RFTN1: variants seen among roughly 807,000 people sequenced by gnomAD.
RFTN1 encodes the protein raftlin.
Under a neutral mutation model 46.5 loss-of-function variants are expected in RFTN1, and 26 were observed. That is an observed-to-expected ratio of 0.56 (90% confidence interval 0.41 to 0.78). The LOEUF is 0.78. Ranked by LOEUF, RFTN1 falls within the 30% of genes least tolerant of loss-of-function variation. The pLI is 0.00. For synonymous variants in RFTN1, 261 were observed against 284.2 expected, an observed-to-expected ratio of 0.92 and a Z score of 0.82; for missense variants, 693 against 718.7, an observed-to-expected ratio of 0.96 and a Z score of 0.41.
Position 16,407,344 on chromosome 3 carries a change from G to A in RFTN1, c.441+2031C>T, listed in dbSNP as rs1309852755. ...ACTATAGTCAAGCACCACCATGCTC[G>A]GCTTTTTAAAGAGACTTTTTTTTTT... On this transcript the variant is annotated intron_variant, in intron 4 of 9. Transcript: ENST00000334133. The surrounding 1 kb of genome is among the most constrained non-coding windows in gnomAD (Gnocchi z 4.0). 6.6e-6 allele frequency among the ~76,000 whole-genome samples: 1 copy of A among 151,532 alleles called. No homozygotes were observed. Among genetic ancestry groups the A allele is most frequent in the Non-Finnish European group, 1.5e-5 (1 of 67,868 alleles).
chr3:16,448,227 T>C lies in RFTN1; in HGVS notation c.146-14190A>G, dbSNP rs2075768029. ...AATAAAATATATCATGAAAATTAAC[T>C]TGCCTGTTTTTATTTTTTAATGTGG... On this transcript the variant is annotated intron_variant, in intron 2 of 9. Transcript: ENST00000334133. The surrounding 1 kb of genome is among the most constrained non-coding windows in gnomAD (Gnocchi z 4.1). Among the ~76,000 whole-genome samples, 1 of 152,308 alleles carries C rather than the reference T, an allele frequency of 6.6e-6. No homozygotes were observed. The highest frequency in any genetic ancestry group is 2.1e-4 in the South Asian group (1 of 4,826).
chr3:16,413,892 C>T lies in RFTN1; in HGVS notation c.333-4409G>A, dbSNP rs921786812. Among the ~76,000 whole-genome samples, 1 of 152,174 alleles carries T rather than the reference C, an allele frequency of 6.6e-6. No individual in the cohort carries two copies. Among genetic ancestry groups the T allele is most frequent in the African/African-American group, 2.4e-5 (1 of 41,440 alleles). On this transcript the variant is annotated intron_variant, in intron 3 of 9. Coordinates refer to ENST00000334133, the MANE Select transcript of RFTN1 (RefSeq NM_015150.2). The surrounding 1 kb of genome is among the most constrained non-coding windows in gnomAD (Gnocchi z 4.7). ...TGAGCCTTTGGGCAATTTACTTAAA[C>T]TTTCTGTGCTTCAGTTTCTTTCACT...
chr3:16,335,632 G>C lies in RFTN1; in HGVS notation c.1147-8756C>G, dbSNP rs2070769604. Among the ~76,000 whole-genome samples the C allele has an allele frequency of 6.6e-6, 1 of 152,178 alleles. No homozygotes were observed. Among genetic ancestry groups the C allele is most frequent in the South Asian group, 2.1e-4 (1 of 4,826 alleles). On this transcript the variant is annotated intron_variant, in intron 7 of 9. Transcript: ENST00000334133. The surrounding 1 kb of genome is among the most constrained non-coding windows in gnomAD (Gnocchi z 4.7). Reference sequence around the variant, plus strand: ...ACACACTGGGACCTGTTGGAGGTGTGGGAGGAGGGAGAGCATCAGGAAAAA... The same window carrying C: ...ACACACTGGGACCTGTTGGAGGTGTCGGAGGAGGGAGAGCATCAGGAAAAA...
Position 16,361,877 on chromosome 3 carries a change from G to A in RFTN1, c.1031-3830C>T, listed in dbSNP as rs888615066. ...GGTTCTAGGGAGATGAAGGACAAAT[G>A]GAGCAGAGCTGCCGCAGTGGAGCCC... On this transcript the variant is annotated intron_variant, in intron 6 of 9. Transcript: ENST00000334133. This position sits in a 1 kb window ranked among gnomAD's most constrained non-coding sequence, Gnocchi z 4.3. Among the ~76,000 whole-genome samples, 2 of 152,318 alleles carry A rather than the reference G, an allele frequency of 1.3e-5. No individual in the cohort carries two copies. Among genetic ancestry groups the A allele is most frequent in the East Asian group, 3.9e-4 (2 of 5,182 alleles).
rs2124902846 is a variant in RFTN1, at chr3:16,449,938, G to A, written c.146-15901C>T. Among the ~76,000 whole-genome samples the A allele has an allele frequency of 6.6e-6, 1 of 152,304 alleles. No homozygotes were observed. Among genetic ancestry groups the A allele is most frequent in the South Asian group, 2.1e-4 (1 of 4,828 alleles). The stretch of plus-strand genomic sequence containing the variant: ...ATGGCCCCATCTCTAGAAGTGACCA[G>A]GAAGCAGCAGGAGGAGGGCTGCAGG... On this transcript the variant is annotated intron_variant, in intron 2 of 9. Transcript: ENST00000334133. This position sits in a 1 kb window ranked among gnomAD's most constrained non-coding sequence, Gnocchi z 5.1.
intron 2 of RFTN1, among the ~76,000 whole-genome samples, chr3:16,488,907 A>G (rs1206413046): frequency 6.6e-6 from 1 of 152,234 alleles, no homozygotes. Context: ...TGTGATAGCC[A>G]AAACCTGGAA....
At position 16,361,114 on chromosome 3, in the gene RFTN1, GAAGGCCTAACT is replaced by G. The variant is rs2072797797; in HGVS notation, c.1031-3078_1031-3068del. Reference sequence around the variant, plus strand: ...TTTTTCTCTCCTCTACAAGGCTCTTGAAGGCCTAACTAGAATCAAAGAGTTTTTTAAAACTA... The same window carrying G: ...TTTTTCTCTCCTCTACAAGGCTCTTGAGAATCAAAGAGTTTTTTAAAACTA... On this transcript the variant is annotated intron_variant, in intron 6 of 9. Transcript: ENST00000334133. The surrounding 1 kb of genome is among the most constrained non-coding windows in gnomAD (Gnocchi z 4.3). Among the ~76,000 whole-genome samples the G allele has an allele frequency of 6.6e-6, 1 of 152,190 alleles. No homozygotes were observed. The highest frequency in any genetic ancestry group is 1.5e-5 in the Non-Finnish European group (1 of 68,026).
rs1367774994 is a variant in RFTN1 at position 16,326,844 on chromosome 3, C to A, written c.1179G>T (p.Leu393=). ...AGCCATAGGCCGCCAGCGAGTTCAG[C>A]AGGGGCACGTAGTCTGTCTGCACTT... is the stretch of plus-strand genomic sequence containing the variant. ...GVEVQTDYVP[L]LNSLAAYGWQ... The change falls in exon 8 of 10, where the codon CTG becomes CTT. Residue 393 remains leucine (L), a synonymous_variant. Transcript: ENST00000334133. The A allele has an allele frequency of 4.3e-6, 7 of 1,613,980 alleles. No individual in the cohort carries two copies. In the African/African-American group the frequency reaches 9.3e-5, roughly 22 times the overall value.
chr3:16,445,132 T>C (rs1341899866), intron 2 of RFTN1, among the ~76,000 whole-genome samples: 5 of 152,192 alleles, frequency 3.3e-5, no homozygotes, highest in African/African-American at 1.2e-4. Context: ...ACTATGCAGA[T>C]GTAAACAGTT....
chr3:16,469,301 A>G (rs1340312412), intron 2 of RFTN1, among the ~76,000 whole-genome samples: 1 of 152,252 alleles, frequency 6.6e-6, no homozygotes, highest in Admixed American at 6.5e-5. Flanking sequence ...CGTGACTGGT[A>G]TATATTAGGT....
chr3:16,508,692 GCACGCACACA>G lies in RFTN1; in HGVS notation c.-9+4740_-9+4749del, dbSNP rs1388985254. ...ATGTGAATGGAAGGAAAGATCACAC[GCACGCACACA>G]CACACACACACACACACACACCCCT... is the stretch of plus-strand genomic sequence containing the variant. On this transcript the variant is annotated intron_variant, in intron 1 of 9. Transcript: ENST00000334133. Among the ~76,000 whole-genome samples the G allele has an allele frequency of 5.3e-3, 469 of 87,770 alleles. 3 individuals are homozygous for G. The highest frequency in any genetic ancestry group is 0.018 in the African/African-American group (437 of 23,656). 57.6% of individuals were successfully genotyped at this position (87,770 alleles called of 152,430 possible).
intron 2 of RFTN1, among the ~76,000 whole-genome samples, chr3:16,444,699 A>T (rs897394468): frequency 8.5e-5 from 13 of 152,254 alleles, no homozygotes; most frequent in African/African-American, 3.1e-4. Flanking sequence ...ACCACAATAA[A>T]CAATGTGGGA....
rs1393449044 is a variant in RFTN1, at chr3:16,429,887, A to C, written c.332+3964T>G. Among the ~76,000 whole-genome samples, 1 of 152,180 alleles carries C rather than the reference A, an allele frequency of 6.6e-6. No homozygotes were observed. Among genetic ancestry groups the C allele is most frequent in the Non-Finnish European group, 1.5e-5 (1 of 68,036 alleles). On this transcript the variant is annotated intron_variant, in intron 3 of 9. Coordinates refer to ENST00000334133, the MANE Select transcript of RFTN1 (RefSeq NM_015150.2). This position sits in a 1 kb window ranked among gnomAD's most constrained non-coding sequence, Gnocchi z 6.4. ...ACAATAATCTAGAATGTGTATCTAC[A>C]TCTCTTTCAATGTGCTCCACTTGAA...
intron 2 of RFTN1, among the ~76,000 whole-genome samples, chr3:16,439,729 C>G (rs182348203): frequency 2.0e-5 from 3 of 152,224 alleles, no homozygotes; most frequent in Non-Finnish European, 4.4e-5. Context: ...TGCCAGTGGG[C>G]GGGAGAAACA....
rs111973730 is a variant in RFTN1, at chr3:16,342,903, G to C, written c.1146+15029C>G. Among the ~76,000 whole-genome samples the C allele has an allele frequency of 2.0e-5, 3 of 152,160 alleles. No homozygotes were observed. The highest frequency in any genetic ancestry group is 2.1e-4 in the South Asian group (1 of 4,822). On this transcript the variant is annotated intron_variant, in intron 7 of 9. Transcript: ENST00000334133. This position sits in a 1 kb window ranked among gnomAD's most constrained non-coding sequence, Gnocchi z 4.0. Reference sequence around the variant, plus strand: ...CGAAGACCCACTGACTTTGAGTCTCGATCTCAGCTCACTGCAGCCTCAACC... The same window carrying C: ...CGAAGACCCACTGACTTTGAGTCTCCATCTCAGCTCACTGCAGCCTCAACC...
In RFTN1 at chr3:16,409,471, A is replaced by C. The variant is rs147606880; in HGVS notation, c.345T>G (p.Thr115=). 1.8e-4 allele frequency: 286 copies of C among 1,609,560 alleles called. No individual in the cohort carries two copies. The East Asian group carries it at 6.1e-3, about 35-fold the overall frequency. The change falls in exon 4 of 10, where the codon ACT becomes ACG. Residue 115 remains threonine, a synonymous_variant. Coordinates refer to ENST00000334133, the MANE Select transcript of RFTN1 (RefSeq NM_015150.2). Reference sequence around the variant, plus strand: ...AGATGTAGCCTTCATTGTGAAGATCAGTTTTCTGAGATCTGAAGAGAAAGA... The same window carrying C: ...AGATGTAGCCTTCATTGTGAAGATCCGTTTTCTGAGATCTGAAGAGAAAGA... ...LIKKTDRSQK[T]DLHNEGYILE...
In RFTN1 at chr3:16,460,568, C is replaced by T. The variant is rs2075991042; in HGVS notation, c.146-26531G>A. ...GCCGCTGTCCAAAACCAAAACCTCACATTTCAAGCAGAGGCTGGGTGGGGA... is the reference window on the plus strand; with the variant it reads ...GCCGCTGTCCAAAACCAAAACCTCATATTTCAAGCAGAGGCTGGGTGGGGA... On this transcript the variant is annotated intron_variant, in intron 2 of 9. Transcript: ENST00000334133. This position sits in a 1 kb window ranked among gnomAD's most constrained non-coding sequence, Gnocchi z 4.8. Among the ~76,000 whole-genome samples the T allele has an allele frequency of 2.0e-5, 3 of 152,292 alleles. No individual in the cohort carries two copies. Among genetic ancestry groups the T allele is most frequent in the Admixed American group, 6.5e-5 (1 of 15,294 alleles).
At chr3:16,441,899 A>C (rs73144401) in intron 2 of RFTN1, among the ~76,000 whole-genome samples, 3,165 of 152,334 alleles carry the variant, frequency 0.021, 121 homozygotes, top group African/African-American at 0.072. Context: ...CAGTAGATCC[A>C]ATTTAGCAAA....
Position 16,377,866 on chromosome 3 carries a change from G to T in RFTN1, c.678C>A (p.Gly226=), listed in dbSNP as rs1221748665. 1 of 1,614,200 alleles carries T rather than the reference G, an allele frequency of 6.2e-7. No individual in the cohort carries two copies. Among genetic ancestry groups the T allele is most frequent in the East Asian group, 2.2e-5 (1 of 44,874 alleles). The change falls in exon 5 of 10, where the codon GGC becomes GGA. Residue 226 remains glycine, a synonymous_variant. Coordinates refer to ENST00000334133, the MANE Select transcript of RFTN1 (RefSeq NM_015150.2). Reference sequence around the variant, plus strand: ...TGGCGAGGGGCACCTCCCCTCTGGGGCCTGAGCTGGGCTCTGGGCTTTGGT... The same window carrying T: ...TGGCGAGGGGCACCTCCCCTCTGGGTCCTGAGCTGGGCTCTGGGCTTTGGT... ...GRNQSPEPSS[G]PRGEVPLAKQ...
Sources: allele counts gnomAD v4.1 joint callset (sites outside exome capture counted in the v4.1 genomes callset), GRCh38; gene constraint gnomAD v4.1.1; non-coding constraint Gnocchi (gnomAD v3.1); transcripts MANE v1.5; gene names NCBI Gene and HGNC (gene_info 2026-07-23, HGNC 2026-07-21).